The following CACNA2D1 variants were observed in gnomAD, a reference collection of about 807,000 sequenced individuals.
CACNA2D1 encodes voltage-dependent calcium channel subunit alpha-2/delta-1.
Under a neutral mutation model 171.5 loss-of-function variants are expected in CACNA2D1, and 53 were observed. The observed-to-expected ratio is 0.31, with a 90% CI of 0.25 to 0.39. The LOEUF is 0.39. CACNA2D1 is among the 10% of genes least tolerant of loss of function. The probability of loss-of-function intolerance (pLI) is 1.00; values close to 1 mark genes in which losing one functional copy is unlikely to be tolerated. For missense variants in CACNA2D1, 903 were observed against 1,299.8 expected, an observed-to-expected ratio of 0.69 and a Z score of 4.69; for synonymous variants, 442 against 443.1, an observed-to-expected ratio of 1.00 and a Z score of 0.03.
rs145627727 is a variant in CACNA2D1 at position 82,269,282 on chromosome 7, C to A, written c.294+65853G>T. Among the ~76,000 whole-genome samples the A allele has an allele frequency of 2.0e-4, 31 of 152,158 alleles. No homozygotes were observed. The East Asian group carries it at 5.8e-3, about 28-fold the overall frequency. ...TGCCAATGTAAATTTACAAAAATAC[C>A]AATCTTATTCTCCTTTTTTCATACA... On this transcript the variant is annotated intron_variant, in intron 3 of 38. Transcript: ENST00000356860.
intron 1 of CACNA2D1, among the ~76,000 whole-genome samples, chr7:82,433,159 G>A (rs1385154055): frequency 6.6e-6 from 1 of 150,994 alleles, no homozygotes; most frequent in Non-Finnish European, 1.5e-5. Flanking sequence ...CTGCACTCCA[G>A]CCTGAGTGAC....
intron 12 of CACNA2D1, among the ~76,000 whole-genome samples, chr7:82,025,644 G>A (rs1355012050): frequency 4.0e-5 from 6 of 151,748 alleles, no homozygotes; most frequent in African/African-American, 1.4e-4. Context: ...ACTCCACTGT[G>A]GTCAGTAAGG....
chr7:82,174,113 A>G (rs1434452682), intron 3 of CACNA2D1, among the ~76,000 whole-genome samples: 1 of 151,084 alleles, frequency 6.6e-6, no homozygotes. Context: ...TCAACAGAAC[A>G]TCCCTGTTTC....
At chr7:81,977,049 C>T (rs1795928118) in intron 24 of CACNA2D1, among the ~76,000 whole-genome samples, 1 of 152,144 alleles carries the variant, frequency 6.6e-6, no homozygotes, top group Non-Finnish European at 1.5e-5. Flanking sequence ...TTATTTCTTT[C>T]TCTTGCCTGA....
chr7:82,104,547 G>A (rs377513577), intron 6 of CACNA2D1, among the ~76,000 whole-genome samples: 4 of 151,750 alleles, frequency 2.6e-5, no homozygotes, highest in Non-Finnish European at 4.4e-5. Context: ...GAATATCACC[G>A]TTTTCCTTTT....
At chr7:82,272,815 A>T (rs2299164) in intron 3 of CACNA2D1, among the ~76,000 whole-genome samples, 2 of 151,986 alleles carry the variant, frequency 1.3e-5, no homozygotes, top group African/African-American at 4.8e-5. Context: ...GCACAGTGAA[A>T]ATTTAAAAAG....
chr7:81,969,874 T>A lies in CACNA2D1; in HGVS notation c.2308+7A>T, dbSNP rs1007696404. The A allele has an allele frequency of 6.8e-7, 1 of 1,476,978 alleles. No homozygotes were observed. The highest frequency in any genetic ancestry group is 9.5e-7 in the Non-Finnish European group (1 of 1,056,312). 91.5% of individuals were successfully genotyped at this position (1,476,978 alleles called of 1,614,324 possible). A position where few individuals can be genotyped will look rare whatever the true frequency, so the allele number is the denominator to read the frequency against. On this transcript the variant is annotated splice_region_variant and intron_variant, in intron 28 of 38. Coordinates refer to ENST00000356860, the MANE Select transcript of CACNA2D1 (RefSeq NM_000722.4). ...TGAGAAAAGCTGAATTCCAAAGCAA[T>A]ACTTACTGTTAAAGTAGGGAGCAGT...
chr7:82,338,752 A>C (rs953162129), intron 2 of CACNA2D1, among the ~76,000 whole-genome samples: 1 of 152,174 alleles, frequency 6.6e-6, no homozygotes, highest in African/African-American at 2.4e-5. Flanking sequence ...GTGAATCTTC[A>C]ATGCCATTCT....
At chr7:82,169,529 AATATCATTTAGTGC>A (rs1360084377) in intron 4 of CACNA2D1, among the ~76,000 whole-genome samples, 1 of 152,056 alleles carries the variant, frequency 6.6e-6, no homozygotes, top group Non-Finnish European at 1.5e-5. Context: ...ACATGAATTA[AATATCATTTAGTGC>A]ATTTTCCTTT....
intron 6 of CACNA2D1, among the ~76,000 whole-genome samples, chr7:82,099,837 G>A (rs544829726): frequency 2.4e-4 from 36 of 152,100 alleles, no homozygotes; most frequent in Non-Finnish European, 4.9e-4. Flanking sequence ...GTAAACTGAT[G>A]TGTACTTAAT....
At chr7:82,217,939 A>ATTTATT (rs1801341696) in intron 3 of CACNA2D1, among the ~76,000 whole-genome samples, 1 of 95,492 alleles carries the variant, frequency 1.0e-5, no homozygotes. Context: ...ATTTATTTAT[A>ATTTATT]TTTTTATTTT....
At chr7:81,990,816 T>C (rs1797470542) in intron 21 of CACNA2D1, among the ~76,000 whole-genome samples, 1 of 152,186 alleles carries the variant, frequency 6.6e-6, no homozygotes, top group South Asian at 2.1e-4. Context: ...TTATATCAGA[T>C]ACCACAATGA....
At chr7:82,008,479 A>G (rs908794478) in intron 15 of CACNA2D1, among the ~76,000 whole-genome samples, 9 of 152,168 alleles carry the variant, frequency 5.9e-5, no homozygotes, top group Admixed American at 2.0e-4. Flanking sequence ...AATTTAATAC[A>G]TTAAATGAAT....
intron 3 of CACNA2D1, among the ~76,000 whole-genome samples, chr7:82,214,394 A>G (rs75694757): frequency 0.085 from 12,860 of 151,110 alleles, 713 homozygotes; most frequent in Non-Finnish European, 0.11. Context: ...TTAACCAGTC[A>G]TTTGGTGCAA....
At chr7:82,310,565 G>GT (rs1193495279) in intron 3 of CACNA2D1, among the ~76,000 whole-genome samples, 5 of 151,750 alleles carry the variant, frequency 3.3e-5, no homozygotes, top group African/African-American at 9.7e-5. Flanking sequence ...GCTATAATTT[G>GT]TTTTTTTCTT....
At chr7:82,193,435 C>T (rs1331133617) in intron 3 of CACNA2D1, among the ~76,000 whole-genome samples, 1 of 151,754 alleles carries the variant, frequency 6.6e-6, no homozygotes, top group East Asian at 1.9e-4. Flanking sequence ...TTGTAGTTTG[C>T]CAAATCTTTT....
At chr7:82,225,353 C>T (rs184677273) in intron 3 of CACNA2D1, among the ~76,000 whole-genome samples, 97 of 152,286 alleles carry the variant, frequency 6.4e-4, no homozygotes, top group Non-Finnish European at 1.2e-3. Flanking sequence ...AATCTCACCA[C>T]GTAGATTATC....
intron 1 of CACNA2D1, among the ~76,000 whole-genome samples, chr7:82,385,473 T>C (rs1314466320): frequency 6.6e-6 from 1 of 152,242 alleles, no homozygotes; most frequent in African/African-American, 2.4e-5. Context: ...TGTAACCCTA[T>C]GTGGTACAAT....
rs148396638 is a variant in CACNA2D1, at chr7:82,018,098, G to A, written c.1144-3619C>T. Reference sequence around the variant, plus strand: ...CATCTTTCAAAATGTTTGCTTCTATGAAATTTTCATCATAGAGTCACACAA... The same window carrying A: ...CATCTTTCAAAATGTTTGCTTCTATAAAATTTTCATCATAGAGTCACACAA... On this transcript the variant is annotated intron_variant, in intron 12 of 38. Transcript: ENST00000356860. 1.1e-3 allele frequency among the ~76,000 whole-genome samples: 172 copies of A among 152,210 alleles called. 1 individual carries two copies. Among genetic ancestry groups the A allele is most frequent in the African/African-American group, 3.8e-3 (159 of 41,544 alleles).
Sources: gnomAD v4.1 joint callset for allele counts (sites outside exome capture counted in the v4.1 genomes callset) on GRCh38, gnomAD v4.1.1 for gene constraint, MANE v1.5 for transcripts, NCBI Gene and HGNC (gene_info 2026-07-23, HGNC 2026-07-21) for gene names.